CRISPLD1: variants seen among roughly 807,000 people sequenced by gnomAD.
The protein encoded by CRISPLD1 is cysteine-rich secretory protein LCCL domain-containing 1.
CRISPLD1 carries 60 observed loss-of-function variants against 77.5 expected under a neutral mutation model. That is an observed-to-expected ratio of 0.77 (90% confidence interval 0.63 to 0.96). CRISPLD1 has a LOEUF of 0.96. CRISPLD1 is among the 40% of genes least tolerant of loss of function. The pLI is 0.00. For missense variants in CRISPLD1, 623 were observed against 615.8 expected (o/e 1.01, Z -0.12); for synonymous variants, 195 against 200.1 (o/e 0.97, Z 0.22).
At chr8:75,004,363 C>T (rs1479743058) in intron 2 of CRISPLD1, among the ~76,000 whole-genome samples, 1 of 152,116 alleles carries the variant, frequency 6.6e-6, no homozygotes, top group Non-Finnish European at 1.5e-5. Context: ...CATTTAATAC[C>T]AGATGATTTA....
intron 2 of CRISPLD1, among the ~76,000 whole-genome samples, chr8:75,005,913 C>T (rs1587012235): frequency 6.6e-6 from 1 of 152,072 alleles, no homozygotes; most frequent in East Asian, 1.9e-4. Context: ...GAGAGAAATG[C>T]ATACTTTATT....
chr8:75,032,206 A>G lies in CRISPLD1; in HGVS notation c.1467A>G (p.Pro489=). Residue 489 remains proline (P), a synonymous_variant, in exon 15 of 15, where the codon CCA becomes CCG. Coordinates refer to ENST00000262207, the MANE Select transcript of CRISPLD1 (RefSeq NM_031461.6). ...TTTTTTGCAGTTTACAGAATCCTCCAGGAGGAAAGGCATTCAGAGTGTTTG... is the reference window on the plus strand; with the variant it reads ...TTTTTTGCAGTTTACAGAATCCTCCGGGAGGAAAGGCATTCAGAGTGTTTG... ...GIFSESLQNP[P]GGKAFRVFAV... is the part of the protein sequence containing the mutation. 1 of 1,607,398 alleles carries G rather than the reference A, an allele frequency of 6.2e-7. No homozygotes were observed. The highest frequency in any genetic ancestry group is 8.5e-7 in the Non-Finnish European group (1 of 1,175,698).
chr8:74,996,925 G>A (rs1381625141), intron 2 of CRISPLD1, among the ~76,000 whole-genome samples: 2 of 151,708 alleles, frequency 1.3e-5, no homozygotes, highest in Non-Finnish European at 2.9e-5. Context: ...CTGTGTTTCC[G>A]AGGCTGGTCT....
intron 13 of CRISPLD1, among the ~76,000 whole-genome samples, chr8:75,027,137 G>A (rs543405627): frequency 3.0e-4 from 46 of 152,042 alleles, no homozygotes; most frequent in African/African-American, 8.9e-4. Flanking sequence ...GATTATTACC[G>A]TATCTCTTTT....
In CRISPLD1 at chr8:74,984,669, C is replaced by T. The variant is rs929917360; in HGVS notation, c.-314C>T. The T allele has an allele frequency of 1.3e-5, 2 of 152,336 alleles. No homozygotes were observed. Among genetic ancestry groups the T allele is most frequent in the Non-Finnish European group, 2.9e-5 (2 of 68,122 alleles). The allele number at this position is 152,336 out of a possible 1,614,324, so 9.4% of individuals were successfully genotyped here. On this transcript the variant is annotated 5_prime_UTR_variant, in exon 1 of 15. Coordinates refer to ENST00000262207, the MANE Select transcript of CRISPLD1 (RefSeq NM_031461.6). ...CCACCCTGGCAGACTAACGAAGCAG[C>T]TCCCTTCCCACCCCAACTGCAGGTC...
At chr8:75,015,358 C>T (rs1023615296) in intron 6 of CRISPLD1, among the ~76,000 whole-genome samples, 1 of 152,062 alleles carries the variant, frequency 6.6e-6, no homozygotes, top group African/African-American at 2.4e-5. Flanking sequence ...TGATTTTTCA[C>T]TTCTCACTGC....
chr8:75,003,641 C>G (rs1235789911), intron 2 of CRISPLD1, among the ~76,000 whole-genome samples: 1 of 151,952 alleles, frequency 6.6e-6, no homozygotes, highest in African/African-American at 2.4e-5. Flanking sequence ...GTCTATAGAT[C>G]AAGACTTAAA....
intron 10 of CRISPLD1, among the ~76,000 whole-genome samples, chr8:75,019,151 G>A (rs1397553482): frequency 6.6e-6 from 1 of 151,964 alleles, no homozygotes; most frequent in Non-Finnish European, 1.5e-5. Flanking sequence ...TTTTGGACAC[G>A]TTATAGATGA....
chr8:75,000,446 C>T (rs16939016), intron 2 of CRISPLD1: 183,908 of 981,896 alleles, frequency 0.19, 20,839 homozygotes, highest in African/African-American at 0.52. Flanking sequence ...GCAGTGCTAT[C>T]TCACATGAAC....
At position 74,999,276 on chromosome 8, in the gene CRISPLD1, C is replaced by T. The variant is rs193055854; in HGVS notation, c.258+13031C>T. ...TATTGGCAGCTCATAAACCTCAAGG[C>T]AAACATTTGAACAAGGACACAGTCT... On this transcript the variant is annotated intron_variant, in intron 2 of 14. Transcript: ENST00000262207. Among the ~76,000 whole-genome samples the T allele has an allele frequency of 7.2e-5, 11 of 152,244 alleles. No individual in the cohort carries two copies. The East Asian group carries it at 1.9e-3, about 27-fold the overall frequency.
chr8:75,008,905 A>G lies in CRISPLD1; in HGVS notation c.259-3528A>G, dbSNP rs1812881154. Among the ~76,000 whole-genome samples the G allele has an allele frequency of 2.0e-5, 3 of 152,312 alleles. No individual in the cohort carries two copies. The South Asian group carries it at 6.2e-4, about 32-fold the overall frequency. On this transcript the variant is annotated intron_variant, in intron 2 of 14. Coordinates refer to ENST00000262207, the MANE Select transcript of CRISPLD1 (RefSeq NM_031461.6). ...ATTTGAATAATATGTTTTACGTTTT[A>G]TTCCGATTTCTATACAACAGAAATA...
chr8:75,001,686 G>A (rs1039947662), intron 2 of CRISPLD1, among the ~76,000 whole-genome samples: 1 of 152,094 alleles, frequency 6.6e-6, no homozygotes, highest in African/African-American at 2.4e-5. Context: ...TCAATGGGGA[G>A]GAAATGGCAG....
At chr8:75,003,239 GT>G (rs1456746620) in intron 2 of CRISPLD1, among the ~76,000 whole-genome samples, 1 of 152,138 alleles carries the variant, frequency 6.6e-6, no homozygotes, top group Non-Finnish European at 1.5e-5. Flanking sequence ...ACATTTGAAT[GT>G]TTCTTATATT....
At chr8:74,991,599 C>T (rs912967890) in intron 2 of CRISPLD1, among the ~76,000 whole-genome samples, 3 of 152,198 alleles carry the variant, frequency 2.0e-5, no homozygotes, top group Admixed American at 6.5e-5. Context: ...GGTACTGTCT[C>T]GGCTCACTGC....
intron 10 of CRISPLD1, among the ~76,000 whole-genome samples, chr8:75,019,175 C>T (rs930518202): frequency 6.6e-5 from 10 of 152,068 alleles, no homozygotes; most frequent in Middle Eastern, 3.2e-3. Flanking sequence ...ATATTAAATA[C>T]AGAATTTGAA....
intron 13 of CRISPLD1, 54 bp from the exon 14 acceptor site, chr8:75,029,333 G>C (rs202032755): frequency 1.1e-5 from 18 of 1,572,004 alleles, no homozygotes; most frequent in Non-Finnish European, 1.5e-5. Flanking sequence ...GAATAGGCTG[G>C]ACAAGTCCAG....
intron 2 of CRISPLD1, among the ~76,000 whole-genome samples, chr8:74,996,923 C>G (rs1178470836): frequency 6.6e-6 from 1 of 151,784 alleles, no homozygotes; most frequent in Non-Finnish European, 1.5e-5. Context: ...TGCTGTGTTT[C>G]CGAGGCTGGT....
chr8:75,004,573 A>G (rs193161196), intron 2 of CRISPLD1, among the ~76,000 whole-genome samples: 27 of 152,258 alleles, frequency 1.8e-4, no homozygotes, highest in Admixed American at 8.5e-4. Flanking sequence ...AAGTTAGGTT[A>G]TTGCTGTAGT....
intron 11 of CRISPLD1, 28 bp from the exon 12 acceptor site, chr8:75,019,979 C>G (rs1256077239): frequency 6.2e-7 from 1 of 1,612,542 alleles, no homozygotes. Flanking sequence ...AAAGGATTCA[C>G]TCATTGTTTT....
Sources: allele counts gnomAD v4.1 joint callset (sites outside exome capture counted in the v4.1 genomes callset), GRCh38; gene constraint gnomAD v4.1.1; transcripts MANE v1.5; gene names NCBI Gene and HGNC (gene_info 2026-07-23, HGNC 2026-07-21).